The following PCNX1 variants were observed in gnomAD, a reference collection of about 807,000 sequenced individuals.
PCNX1 encodes the protein pecanex 1.
PCNX1 carries 78 observed loss-of-function variants against 242.2 expected under a neutral mutation model. That is an observed-to-expected ratio of 0.32 (90% CI 0.27 to 0.39). The LOEUF (loss-of-function observed/expected upper bound fraction) is 0.39. Ranked by LOEUF, PCNX1 falls within the 10% of genes least tolerant of loss-of-function variation. The pLI, the probability that PCNX1 is intolerant of heterozygous loss-of-function variation, is 1.00. For missense variants in PCNX1, 2,581 were observed against 2,856.5 expected (o/e 0.90, Z 2.20); for synonymous variants, 1,024 against 1,032.9 (o/e 0.99, Z 0.17).
At chr14:70,992,941 C>T (rs980211379) in intron 7 of PCNX1, among the ~76,000 whole-genome samples, 1 of 152,096 alleles carries the variant, frequency 6.6e-6, no homozygotes, top group Admixed American at 6.5e-5. Flanking sequence ...GTTATTTCCT[C>T]TTCCGAACCA....
chr14:70,983,052 C>T (rs1364595317), intron 6 of PCNX1, among the ~76,000 whole-genome samples: 1 of 152,102 alleles, frequency 6.6e-6, no homozygotes, highest in Non-Finnish European at 1.5e-5. Flanking sequence ...AAGGATGTGT[C>T]CCCTCTCAAA....
intron 11 of PCNX1, 133 bp from the exon 12 acceptor site, chr14:71,018,876 T>C (rs2060024130): frequency 1.5e-6 from 1 of 659,190 alleles, no homozygotes; most frequent in East Asian, 2.8e-5. Flanking sequence ...TCTAAAACCT[T>C]GTTCAAACTC....
chr14:71,098,329 C>G (rs1011470590), intron 30 of PCNX1, among the ~76,000 whole-genome samples: 15 of 151,920 alleles, frequency 9.9e-5, no homozygotes, highest in African/African-American at 3.6e-4. Context: ...ACATTGGTAG[C>G]TTGATAGGAA....
At chr14:71,101,946 CTTTTA>C (rs1316735025) in intron 30 of PCNX1, 39 bp from the exon 31 acceptor site, 6 of 1,143,278 alleles carry the variant, frequency 5.2e-6, no homozygotes, top group Admixed American at 2.6e-5. Flanking sequence ...GTTATCAGTT[CTTTTA>C]TTTTCCTTTA....
intron 1 of PCNX1, among the ~76,000 whole-genome samples, chr14:70,919,309 A>G (rs1219818031): frequency 6.6e-6 from 1 of 152,218 alleles, no homozygotes; most frequent in Non-Finnish European, 1.5e-5. Flanking sequence ...AAGGATGCAT[A>G]CTGCACTAAC....
At position 71,028,720 on chromosome 14, in the gene PCNX1, G is replaced by T; in HGVS notation, c.3487G>T (p.Ala1163Ser). ...GGNATTSLLA[A>S]LYSFICSIVA... Reference sequence around the variant, plus strand: ...TCTAGCCACTACAAGCCTGCTTGCAGCACTTTACAGTTTTATCTGTAGCAT... The same window carrying T: ...TCTAGCCACTACAAGCCTGCTTGCATCACTTTACAGTTTTATCTGTAGCAT... The change falls in exon 16 of 36, where the codon GCA becomes TCA. Residue 1163 changes from alanine to serine, a missense_variant. This residue lies in a region of PCNX1 where 432 missense variants were observed against 443.1 expected (regional missense o/e 0.97). Coordinates refer to ENST00000304743, the MANE Select transcript of PCNX1 (RefSeq NM_014982.3). 6.2e-7 allele frequency: 1 copy of T among 1,606,470 alleles called. No homozygotes were observed. The highest frequency in any genetic ancestry group is 8.5e-7 in the Non-Finnish European group (1 of 1,176,134).
intron 1 of PCNX1, among the ~76,000 whole-genome samples, chr14:70,936,227 C>T (rs1233697803): frequency 6.6e-6 from 1 of 152,010 alleles, no homozygotes; most frequent in African/African-American, 2.4e-5. Context: ...GTGTGCTGCA[C>T]CCATTAACTC....
Position 71,110,099 on chromosome 14 carries a change from C to A in PCNX1, c.*164C>A. The A allele has an allele frequency of 1.4e-6, 1 of 710,034 alleles. No individual in the cohort carries two copies. Among genetic ancestry groups the A allele is most frequent in the Non-Finnish European group, 2.5e-6 (1 of 392,762 alleles). The allele number at this position is 710,034 out of a possible 1,614,324, so 44.0% of individuals were successfully genotyped here. On this transcript the variant is annotated 3_prime_UTR_variant, in exon 36 of 36. Transcript: ENST00000304743. ...AAGCACCTCTCCTTTGCCCTTCACC[C>A]TGACTCCTGTCACTGTCTCCATCCC...
intron 1 of PCNX1, among the ~76,000 whole-genome samples, chr14:70,920,811 A>T (rs1308891375): frequency 6.6e-6 from 1 of 152,192 alleles, no homozygotes; most frequent in Non-Finnish European, 1.5e-5. Context: ...TGGAAGGAGG[A>T]TGTAATTATT....
chr14:71,096,041 C>T lies in PCNX1; in HGVS notation c.5590-5949C>T, dbSNP rs2286307. ...AAATTTTTTAAAACATTAGATGGGCCGGGTGCAGTGGCTCACGCCTATAAT... is the reference window on the plus strand; with the variant it reads ...AAATTTTTTAAAACATTAGATGGGCTGGGTGCAGTGGCTCACGCCTATAAT... On this transcript the variant is annotated intron_variant, in intron 30 of 35. Coordinates refer to ENST00000304743, the MANE Select transcript of PCNX1 (RefSeq NM_014982.3). Among the ~76,000 whole-genome samples the T allele has an allele frequency of 1.1e-4, 17 of 152,116 alleles. No homozygotes were observed. In the East Asian group the frequency reaches 2.1e-3, roughly 19 times the overall value.
chr14:70,949,286 CACACGTGTGTACACACAT>C (rs1218872245), intron 2 of PCNX1, among the ~76,000 whole-genome samples: 33 of 86,336 alleles, frequency 3.8e-4, no homozygotes, highest in African/African-American at 1.3e-3. Flanking sequence ...CGTGTATACA[CACACGTGTGTACACACAT>C]ATGTGTGTAG....
intron 22 of PCNX1, chr14:71,049,194 T>C: frequency 1.7e-6 from 1 of 583,066 alleles, no homozygotes; most frequent in Non-Finnish European, 2.2e-6. Flanking sequence ...TGCATTAGTT[T>C]GGATTTTCTT....
chr14:70,947,164 A>C, intron 2 of PCNX1, 41 bp downstream of exon 2: 3 of 1,369,378 alleles, frequency 2.2e-6, no homozygotes, highest in Non-Finnish European at 3.1e-6. Context: ...AATGATTTAG[A>C]TTGTGTTATC....
At chr14:70,995,956 C>CA (rs1289929390) in intron 8 of PCNX1, 31 bp downstream of exon 8, 1 of 1,550,228 alleles carries the variant, frequency 6.5e-7, no homozygotes, top group Non-Finnish European at 8.9e-7. Context: ...CTTGATGATA[C>CA]AAAAACTTTA....
At chr14:71,072,337 G>A (rs2061605361) in intron 26 of PCNX1, among the ~76,000 whole-genome samples, 1 of 152,178 alleles carries the variant, frequency 6.6e-6, no homozygotes, top group Non-Finnish European at 1.5e-5. Context: ...TCCTATCAGT[G>A]TCAGGTTCAA....
chr14:71,047,985 G>T lies in PCNX1; in HGVS notation c.4338+1G>T. 1 of 1,603,590 alleles carries T rather than the reference G, an allele frequency of 6.2e-7. No homozygotes were observed. Among genetic ancestry groups the T allele is most frequent in the Non-Finnish European group, 8.5e-7 (1 of 1,172,816 alleles). On this transcript the variant is annotated splice_donor_variant, in intron 22 of 35. Coordinates refer to ENST00000304743, the MANE Select transcript of PCNX1 (RefSeq NM_014982.3). LOFTEE classifies it high-confidence loss of function. ...CTTTATGTCCATACTCTTCAACAAG[G>T]TAATTTATCACTGAAAGGAATATCC... is the stretch of plus-strand genomic sequence containing the variant.
chr14:70,930,358 T>G (rs2056749760), intron 1 of PCNX1, among the ~76,000 whole-genome samples: 1 of 152,216 alleles, frequency 6.6e-6, no homozygotes, highest in Non-Finnish European at 1.5e-5. Context: ...TAGTGACTTC[T>G]GCCCTGAGTA....
In PCNX1 at chr14:70,972,644, A is replaced by G. The variant is rs2058575242; in HGVS notation, c.604+3534A>G. ...GGTTTGGATTTACAGGATCCAAACC[A>G]AGGATCCAAGCCTTTAGTTGGTTAA... On this transcript the variant is annotated intron_variant, in intron 5 of 35. Coordinates refer to ENST00000304743, the MANE Select transcript of PCNX1 (RefSeq NM_014982.3). Among the ~76,000 whole-genome samples the G allele has an allele frequency of 2.0e-5, 3 of 152,232 alleles. No homozygotes were observed. The South Asian group carries it at 6.2e-4, about 31-fold the overall frequency.
rs570908133 is a variant in PCNX1 at position 70,971,470 on chromosome 14, T to C, written c.604+2360T>C. On this transcript the variant is annotated intron_variant, in intron 5 of 35. Coordinates refer to ENST00000304743, the MANE Select transcript of PCNX1 (RefSeq NM_014982.3). ...ATAGTTTTAAAACTTGCTTTTATCA[T>C]GCAACATTTTTCCATATGTTTAACA... is the stretch of plus-strand genomic sequence containing the variant. 1.2e-4 allele frequency among the ~76,000 whole-genome samples: 19 copies of C among 152,328 alleles called. No homozygotes were observed. The South Asian group carries it at 3.5e-3, about 28-fold the overall frequency.
Sources: gnomAD v4.1 joint callset for allele counts (sites outside exome capture counted in the v4.1 genomes callset) on GRCh38, gnomAD v4.1.1 for gene constraint, gnomAD v4.1.1 regional missense constraint, MANE v1.5 for transcripts, NCBI Gene and HGNC (gene_info 2026-07-23, HGNC 2026-07-21) for gene names.